Variants in PKP1 observed in about 807,000 individuals in gnomAD.
PKP1 encodes the protein plakophilin 1.
Under a neutral mutation model 76.4 loss-of-function variants are expected in PKP1, and 27 were observed. The ratio of observed to expected loss-of-function variants is 0.35; its 90% confidence interval spans 0.26 to 0.49. PKP1 has a LOEUF of 0.49. PKP1 is among the 20% of genes least tolerant of loss of function. The pLI is 0.99. For synonymous variants in PKP1, 404 were observed against 384.2 expected, an observed-to-expected ratio of 1.05 and a Z score of -0.60; for missense variants, 964 against 955.2, an observed-to-expected ratio of 1.01 and a Z score of -0.12.
intron 2 of PKP1, among the ~76,000 whole-genome samples, chr1:201,311,444 G>T (rs1485461365): frequency 6.6e-6 from 1 of 152,222 alleles, no homozygotes; most frequent in Admixed American, 6.5e-5. Context: ...GGGTGAAGGG[G>T]ATGAGCAGGC....
chr1:201,325,474 G>A (rs542496448), intron 11 of PKP1, among the ~76,000 whole-genome samples: 5 of 152,150 alleles, frequency 3.3e-5, no homozygotes, highest in African/African-American at 4.8e-5. Context: ...TCTCTTCCCC[G>A]GACAAGGCTG....
At chr1:201,312,887 ACT>A (rs1474146815) in intron 2 of PKP1, among the ~76,000 whole-genome samples, 31 of 152,298 alleles carry the variant, frequency 2.0e-4, no homozygotes, top group African/African-American at 7.2e-4. Context: ...CCTGCACTGC[ACT>A]CTGATATTTT....
chr1:201,284,021 C>T, intron 1 of PKP1, 117 bp downstream of exon 1: 1 of 963,528 alleles, frequency 1.0e-6, no homozygotes, highest in Admixed American at 2.0e-5. Context: ...GGGCTGCCGG[C>T]CCCAGGCAGG....
rs199756966 is a variant in PKP1, at chr1:201,283,672, C to G, written c.-31C>G. 2.1e-5 allele frequency: 34 copies of G among 1,601,406 alleles called. No individual in the cohort carries two copies. In the East Asian group the frequency reaches 7.3e-4, roughly 34 times the overall value. On this transcript the variant is annotated 5_prime_UTR_variant, in exon 1 of 14. Coordinates refer to ENST00000367324, the MANE Select transcript of PKP1 (RefSeq NM_001005337.3). Reference sequence around the variant, plus strand: ...GCCTCGCCTCTCTGCTCTCCTAGGCCCCGGCCGCGCGCCACCCGCCTCCCG... The same window carrying G: ...GCCTCGCCTCTCTGCTCTCCTAGGCGCCGGCCGCGCGCCACCCGCCTCCCG...
chr1:201,328,718 C>T, intron 12 of PKP1, 44 bp from the exon 13 acceptor site: 1 of 1,561,918 alleles, frequency 6.4e-7, no homozygotes, highest in Non-Finnish European at 8.8e-7. Flanking sequence ...ACAGCAAGCC[C>T]CACACAGTTT....
At chr1:201,289,392 G>T (rs1326729836) in intron 1 of PKP1, among the ~76,000 whole-genome samples, 1 of 152,224 alleles carries the variant, frequency 6.6e-6, no homozygotes, top group African/African-American at 2.4e-5. Flanking sequence ...TTATTCAAAA[G>T]TAGAATATGC....
At chr1:201,323,324 C>A in intron 9 of PKP1, 135 bp downstream of exon 9, 2 of 795,394 alleles carry the variant, frequency 2.5e-6, no homozygotes, top group South Asian at 1.5e-5. Context: ...CTGGCATATG[C>A]TGGGCTCTGG....
Position 201,330,232 on chromosome 1 carries a change from G to T in PKP1, c.*191G>T, listed in dbSNP as rs1429357673. ...GATTTTTTTTTTCCTTGGGGAAACT[G>T]GCAGGCAATGGGGGTTAGGGAGGTT... On this transcript the variant is annotated 3_prime_UTR_variant, in exon 14 of 14. Coordinates refer to ENST00000367324, the MANE Select transcript of PKP1 (RefSeq NM_001005337.3). The T allele has an allele frequency of 6.6e-6, 1 of 151,806 alleles. No homozygotes were observed. Among genetic ancestry groups the T allele is most frequent in the Non-Finnish European group, 1.5e-5 (1 of 67,950 alleles). The allele number at this position is 151,806 out of a possible 1,614,324, so 9.4% of individuals were successfully genotyped here.
At chr1:201,286,056 T>A (rs910912108) in intron 1 of PKP1, among the ~76,000 whole-genome samples, 1 of 152,198 alleles carries the variant, frequency 6.6e-6, no homozygotes, top group African/African-American at 2.4e-5. Context: ...TTAGTTTTCA[T>A]CAGATTTCCT....
chr1:201,324,241 C>T (rs1346525618), intron 9 of PKP1, among the ~76,000 whole-genome samples, 187 bp from the exon 10 acceptor site: 2 of 152,110 alleles, frequency 1.3e-5, no homozygotes, highest in Admixed American at 1.3e-4. Flanking sequence ...GAGACAGGAT[C>T]AGGGCTGGGA....
At chr1:201,319,640 C>G in intron 6 of PKP1, among the ~76,000 whole-genome samples, 1 of 152,202 alleles carries the variant, frequency 6.6e-6, no homozygotes, top group East Asian at 1.9e-4. Flanking sequence ...CACACCCCAC[C>G]TGCACCAGGC....
Position 201,283,618 on chromosome 1 carries a change from G to A in PKP1, c.-85G>A. On this transcript the variant is annotated 5_prime_UTR_variant, in exon 1 of 14. Coordinates refer to ENST00000367324, the MANE Select transcript of PKP1 (RefSeq NM_001005337.3). ...GAGCCGCTGAGAGCGAGAAGAGCAC[G>A]CTCCTGCCCGCCCGCTGCACCGCAC... 8.3e-7 allele frequency: 1 copy of A among 1,205,060 alleles called. No homozygotes were observed. 74.6% of individuals were successfully genotyped at this position (1,205,060 alleles called of 1,614,324 possible). A position where few individuals can be genotyped will look rare whatever the true frequency, so the allele number is the denominator to read the frequency against.
At chr1:201,322,921 C>A (rs1656992146) in intron 8 of PKP1, 92 bp from the exon 9 acceptor site, 3 of 1,386,474 alleles carry the variant, frequency 2.2e-6, no homozygotes, top group South Asian at 1.3e-5. Flanking sequence ...GGAACCACGA[C>A]CCTGAGGCTG....
Position 201,320,187 on chromosome 1 carries a change from C to T in PKP1, c.1233-80C>T, listed in dbSNP as rs146465582. Reference sequence around the variant, plus strand: ...CCTGTTCTCTCTCCTGCCTGTCCCCCACCACACTCTCTTGTCCCCACCTTC... The same window carrying T: ...CCTGTTCTCTCTCCTGCCTGTCCCCTACCACACTCTCTTGTCCCCACCTTC... On this transcript the variant is annotated intron_variant, in intron 6 of 13. Transcript: ENST00000367324. 7.7e-3 allele frequency: 6,727 copies of T among 873,458 alleles called. 51 individuals carry two copies. The highest frequency in any genetic ancestry group is 0.011 in the Non-Finnish European group (5,697 of 524,670). 54.1% of individuals were successfully genotyped at this position (873,458 alleles called of 1,614,324 possible).
At position 201,322,056 on chromosome 1, in the gene PKP1, C is replaced by G. The variant is rs1207162563; in HGVS notation, c.1426C>G (p.Leu476Val). The G allele has an allele frequency of 3.7e-6, 6 of 1,613,796 alleles. No individual in the cohort carries two copies. The highest frequency in any genetic ancestry group is 5.1e-6 in the Non-Finnish European group (6 of 1,180,022). ...DAEVPTRYRQ[L>V]EYNARNAYTE... Reference sequence around the variant, plus strand: ...CGAGGTGCCCACCCGCTACCGCCAGCTGGAGTATAACGCCCGCAACGCCTA... The same window carrying G: ...CGAGGTGCCCACCCGCTACCGCCAGGTGGAGTATAACGCCCGCAACGCCTA... Residue 476 changes from leucine (L) to valine (V), a missense_variant, in exon 8 of 14, where the codon CTG becomes GTG. Physicochemically the swap from Leu to Val is conservative, Grantham distance 32. Coordinates refer to ENST00000367324, the MANE Select transcript of PKP1 (RefSeq NM_001005337.3).
At position 201,283,837 on chromosome 1, in the gene PKP1, G is replaced by A. The variant is rs1234362892; in HGVS notation, c.135G>A (p.Val45=). ...GCAGGCAGCGCGTGCAGGAGCAGGT[G>A]ATGATGACCGTCAAGCGGCAGAAGT... The part of the protein sequence containing the change: ...TSGRQRVQEQ[V]MMTVKRQKSK... The change falls in exon 1 of 14, where the codon GTG becomes GTA. Residue 45 remains valine, a synonymous_variant. Coordinates refer to ENST00000367324, the MANE Select transcript of PKP1 (RefSeq NM_001005337.3). The A allele has an allele frequency of 6.2e-7, 1 of 1,614,210 alleles. No homozygotes were observed. Among genetic ancestry groups the A allele is most frequent in the East Asian group, 2.2e-5 (1 of 44,878 alleles).
chr1:201,328,669 G>A (rs1375003285), intron 12 of PKP1, 93 bp from the exon 13 acceptor site: 14 of 1,079,110 alleles, frequency 1.3e-5, no homozygotes, highest in East Asian at 4.7e-5. Flanking sequence ...TGTGTGAGCC[G>A]AGGTTGCTCT....
chr1:201,320,422 G>A, intron 7 of PKP1, 41 bp downstream of exon 7: 1 of 1,310,464 alleles, frequency 7.6e-7, no homozygotes, highest in Non-Finnish European at 1.1e-6. Context: ...CCTAGGCCCA[G>A]CCCCCTACAT....
chr1:201,302,552 C>T (rs1026034803), intron 2 of PKP1, among the ~76,000 whole-genome samples: 6 of 152,290 alleles, frequency 3.9e-5, no homozygotes, highest in East Asian at 3.9e-4. Flanking sequence ...ATTTCCCAAG[C>T]GGGTGGAAGA....
Sources: allele counts gnomAD v4.1 joint callset (sites outside exome capture counted in the v4.1 genomes callset), GRCh38; gene constraint gnomAD v4.1.1; transcripts MANE v1.5; gene names NCBI Gene and HGNC (gene_info 2026-07-23, HGNC 2026-07-21).